The following FGF14 variants were observed in gnomAD, a reference collection of about 807,000 sequenced individuals.
FGF14 encodes fibroblast growth factor homologous factor 4.
Under a neutral mutation model 25.5 loss-of-function variants are expected in FGF14, and 5 were observed. That is an observed-to-expected ratio of 0.20 (90% CI 0.10 to 0.41). FGF14 has a LOEUF of 0.41. Among genes scored for constraint, FGF14 ranks in the 10% least tolerant of loss-of-function variants. FGF14 has a pLI of 1.00. For missense variants in FGF14, 222 were observed against 320.1 expected (o/e 0.69, Z 2.34); for synonymous variants, 138 against 118.3 (o/e 1.17, Z -1.08).
chr13:102,069,346 A>G (rs541566208), intron 1 of FGF14, among the ~76,000 whole-genome samples: 25 of 152,200 alleles, frequency 1.6e-4, no homozygotes, highest in African/African-American at 5.3e-4. Flanking sequence ...AAAAAAGGCC[A>G]CTCGGCTCTA....
chr13:102,108,921 G>A (rs1458034740), intron 1 of FGF14, among the ~76,000 whole-genome samples: 2 of 152,102 alleles, frequency 1.3e-5, no homozygotes, highest in African/African-American at 4.8e-5. Flanking sequence ...TACGTATAAT[G>A]TCAAAGACCT....
chr13:102,034,782 G>A (rs918533050), intron 1 of FGF14, among the ~76,000 whole-genome samples: 52 of 152,184 alleles, frequency 3.4e-4, no homozygotes, highest in Non-Finnish European at 2.9e-4. Context: ...GCTATGCCAC[G>A]AAACTTTAAA....
intron 3 of FGF14, among the ~76,000 whole-genome samples, chr13:101,749,997 G>A (rs558358694): frequency 2.0e-5 from 3 of 152,024 alleles, no homozygotes; most frequent in Admixed American, 2.0e-4. Context: ...CTCTTATGAG[G>A]GACTGAAGAG....
intron 3 of FGF14, among the ~76,000 whole-genome samples, chr13:101,768,603 T>A (rs1332686495): frequency 2.0e-5 from 3 of 152,010 alleles, no homozygotes; most frequent in Non-Finnish European, 4.4e-5. Context: ...CAGTGAAGTA[T>A]TGGTGAAGGA....
At chr13:102,281,250 G>A (rs1339676904) in intron 1 of FGF14, among the ~76,000 whole-genome samples, 4 of 152,210 alleles carry the variant, frequency 2.6e-5, no homozygotes, top group African/African-American at 4.8e-5. Context: ...CTCTGAGTAA[G>A]CTCAGGAGGT....
intron 1 of FGF14, among the ~76,000 whole-genome samples, chr13:102,233,649 G>T (rs1020392718): frequency 2.6e-5 from 4 of 152,118 alleles, no homozygotes; most frequent in Non-Finnish European, 5.9e-5. Context: ...GATGAAACAC[G>T]TGACTCCCCA....
chr13:101,740,149 G>A (rs373030406), intron 3 of FGF14, among the ~76,000 whole-genome samples: 23 of 152,114 alleles, frequency 1.5e-4, no homozygotes, highest in East Asian at 3.9e-4. Context: ...TTTTGCAATC[G>A]GGGAGCTCAG....
chr13:102,058,530 T>G (rs1026944575), intron 1 of FGF14, among the ~76,000 whole-genome samples: 1 of 152,202 alleles, frequency 6.6e-6, no homozygotes, highest in Non-Finnish European at 1.5e-5. Flanking sequence ...GGTATTTTAT[T>G]ATTAACAAAG....
intron 1 of FGF14, among the ~76,000 whole-genome samples, chr13:102,035,215 T>C (rs763857069): frequency 5.9e-5 from 9 of 152,224 alleles, no homozygotes; most frequent in East Asian, 1.9e-4. Context: ...TCTAAGGATA[T>C]GCAAGGGTGA....
At chr13:102,231,997 C>A (rs143324608) in intron 1 of FGF14, among the ~76,000 whole-genome samples, 1 of 152,302 alleles carries the variant, frequency 6.6e-6, no homozygotes, top group Non-Finnish European at 1.5e-5. Flanking sequence ...AAAGTGCAAA[C>A]TATATTAGAG....
At chr13:101,797,792 G>A (rs2040636552) in intron 3 of FGF14, among the ~76,000 whole-genome samples, 1 of 107,964 alleles carries the variant, frequency 9.3e-6, no homozygotes, top group Non-Finnish European at 2.1e-5. Flanking sequence ...TTCAACCTCA[G>A]TAGAAACAGA....
At position 101,720,313 on chromosome 13, in the gene FGF14, A is replaced by T. The variant is rs1365873782; in HGVS notation, c.*2518T>A. On this transcript the variant is annotated 3_prime_UTR_variant, in exon 5 of 5. Transcript: ENST00000376143. ...GGACCCCTCTGCAATATGTCTAAACATATATTAGAAGAAAGTATTTGACAT... is the reference window on the plus strand; with the variant it reads ...GGACCCCTCTGCAATATGTCTAAACTTATATTAGAAGAAAGTATTTGACAT... 1.3e-5 allele frequency: 2 copies of T among 152,144 alleles called. No individual in the cohort carries two copies. The highest frequency in any genetic ancestry group is 2.9e-5 in the Non-Finnish European group (2 of 68,004). 9.4% of individuals were successfully genotyped at this position (152,144 alleles called of 1,614,324 possible).
rs2037534498 is a variant in FGF14 at position 101,754,772 on chromosome 13, A to G, written c.409-27962T>C. Among the ~76,000 whole-genome samples the G allele has an allele frequency of 2.6e-5, 4 of 152,138 alleles. No individual in the cohort carries two copies. In the South Asian group the frequency reaches 8.3e-4, roughly 32 times the overall value. ...ATAATTTCTTAACAAAAATAGTTGA[A>G]CAGTTCCTGTGATTTCCATTCTATA... On this transcript the variant is annotated intron_variant, in intron 3 of 4. Transcript: ENST00000376143.
intron 1 of FGF14, among the ~76,000 whole-genome samples, chr13:102,176,405 T>C (rs921248545): frequency 2.6e-5 from 4 of 152,042 alleles, no homozygotes; most frequent in Admixed American, 2.0e-4. Flanking sequence ...TAATTGACAC[T>C]GGTAACTCCA....
At chr13:101,781,959 T>C (rs1234853052) in intron 3 of FGF14, among the ~76,000 whole-genome samples, 1 of 152,224 alleles carries the variant, frequency 6.6e-6, no homozygotes. Flanking sequence ...CAACTTCCCT[T>C]GAATAAAGGT....
At chr13:102,003,138 C>G (rs1005888156) in intron 1 of FGF14, 4 of 152,054 alleles carry the variant, frequency 2.6e-5, no homozygotes, top group Non-Finnish European at 5.9e-5. Context: ...TATTAAAGCA[C>G]CTAAGCTTTG....
intron 1 of FGF14, among the ~76,000 whole-genome samples, chr13:102,175,435 T>C (rs2048407325): frequency 6.6e-6 from 1 of 152,060 alleles, no homozygotes; most frequent in African/African-American, 2.4e-5. Flanking sequence ...ATACAAAAAT[T>C]AACTCAAAAC....
At chr13:102,298,755 T>C (rs529472498) in intron 1 of FGF14, among the ~76,000 whole-genome samples, 1 of 152,290 alleles carries the variant, frequency 6.6e-6, no homozygotes. Context: ...AAGTGCCACA[T>C]GAAAGCTGGA....
intron 1 of FGF14, among the ~76,000 whole-genome samples, chr13:102,252,914 G>A (rs1404099910): frequency 3.3e-5 from 5 of 152,106 alleles, no homozygotes; most frequent in Admixed American, 3.3e-4. Flanking sequence ...GTGAGAACAA[G>A]TGATGTTTGG....
Sources: gnomAD v4.1 joint callset for allele counts (sites outside exome capture counted in the v4.1 genomes callset) on GRCh38, gnomAD v4.1.1 for gene constraint, MANE v1.5 for transcripts, NCBI Gene and HGNC (gene_info 2026-07-23, HGNC 2026-07-21) for gene names.